Variants in STK39 observed in about 807,000 individuals in gnomAD.
The protein encoded by STK39 is serine/threonine kinase 39, also known as STE20/SPS1-related proline-alanine-rich protein kinase.
A neutral mutation model predicts 77.8 loss-of-function variants in STK39; 20 were observed. The ratio of observed to expected loss-of-function variants is 0.26; its 90% CI spans 0.18 to 0.37. STK39 has a LOEUF of 0.37. Ranked by LOEUF, STK39 falls within the 10% of genes least tolerant of loss-of-function variation. The probability of loss-of-function intolerance (pLI) is 1.00; values close to 1 mark genes in which losing one functional copy is unlikely to be tolerated. For synonymous variants in STK39, 246 were observed against 234.1 expected, an observed-to-expected ratio of 1.05 and a Z score of -0.47; for missense variants, 479 against 656.5, an observed-to-expected ratio of 0.73 and a Z score of 2.95.
At chr2:168,109,984 G>A (rs1371916012) in intron 10 of STK39, among the ~76,000 whole-genome samples, 1 of 152,094 alleles carries the variant, frequency 6.6e-6, no homozygotes, top group Admixed American at 6.5e-5. Flanking sequence ...CCAGTTTGAG[G>A]TTTGTCTTTC....
chr2:167,957,864 G>A (rs759016578), intron 17 of STK39, among the ~76,000 whole-genome samples: 16 of 152,296 alleles, frequency 1.1e-4, no homozygotes, highest in African/African-American at 2.4e-4. Flanking sequence ...CAGTGGTTAC[G>A]GTGAGAACAT....
intron 16 of STK39, among the ~76,000 whole-genome samples, chr2:167,993,899 G>A (rs1683765968): frequency 6.6e-6 from 1 of 152,138 alleles, no homozygotes; most frequent in Non-Finnish European, 1.5e-5. Flanking sequence ...ATAAAATACT[G>A]TCACATACTA....
chr2:168,181,299 G>A (rs576821457), intron 2 of STK39, among the ~76,000 whole-genome samples: 7 of 152,194 alleles, frequency 4.6e-5, no homozygotes, highest in South Asian at 2.1e-4. Flanking sequence ...ACAGTTTGCC[G>A]GGCAACTAAT....
At chr2:168,111,232 T>C (rs2105470183) in intron 10 of STK39, among the ~76,000 whole-genome samples, 1 of 152,328 alleles carries the variant, frequency 6.6e-6, no homozygotes, top group South Asian at 2.1e-4. Flanking sequence ...ATTTCACTAA[T>C]TTTTGTTATT....
intron 14 of STK39, among the ~76,000 whole-genome samples, chr2:168,051,801 T>C (rs541736219): frequency 2.0e-5 from 3 of 152,232 alleles, no homozygotes; most frequent in Non-Finnish European, 4.4e-5. Flanking sequence ...CTCCTGGGGC[T>C]GACACTGACT....
chr2:168,183,416 T>C (rs1689133024), intron 1 of STK39, among the ~76,000 whole-genome samples: 1 of 152,124 alleles, frequency 6.6e-6, no homozygotes. Context: ...TCATTTTACA[T>C]GGGAGAAAAC....
intron 16 of STK39, among the ~76,000 whole-genome samples, chr2:167,994,828 T>C (rs1176804292): frequency 6.6e-6 from 1 of 152,092 alleles, no homozygotes; most frequent in East Asian, 1.9e-4. Context: ...GAGAGAAGTC[T>C]CCAGTACAGC....
At chr2:167,969,192 G>T (rs935201268) in intron 16 of STK39, among the ~76,000 whole-genome samples, 5 of 152,184 alleles carry the variant, frequency 3.3e-5, no homozygotes, top group African/African-American at 4.8e-5. Flanking sequence ...ATAGCAAGTG[G>T]TTAATAAATT....
rs527626293 is a variant in STK39, at chr2:168,023,818, T to G, written c.1377-6723A>C. Among the ~76,000 whole-genome samples the G allele has an allele frequency of 1.1e-4, 16 of 152,272 alleles. No individual in the cohort carries two copies. In the East Asian group the frequency reaches 3.1e-3, roughly 29 times the overall value. On this transcript the variant is annotated intron_variant, in intron 14 of 17. Transcript: ENST00000355999. The stretch of plus-strand genomic sequence containing the variant: ...GCAACTATTTCCCCGAGCTTTGAGG[T>G]TGGCAACACCACCAAGGGTCTCTGT...
intron 10 of STK39, among the ~76,000 whole-genome samples, chr2:168,083,937 C>G (rs1359986300): frequency 6.6e-6 from 1 of 152,046 alleles, no homozygotes; most frequent in Non-Finnish European, 1.5e-5. Flanking sequence ...AGGGAGACAG[C>G]CCCAGCATAG....
intron 14 of STK39, among the ~76,000 whole-genome samples, chr2:168,056,686 G>A (rs762037412): frequency 3.9e-5 from 6 of 152,196 alleles, no homozygotes; most frequent in Non-Finnish European, 7.3e-5. Flanking sequence ...ATATGCAGGC[G>A]TATATGTGTG....
chr2:168,235,644 C>T (rs535529945), intron 1 of STK39, among the ~76,000 whole-genome samples: 1 of 135,048 alleles, frequency 7.4e-6, no homozygotes, highest in African/African-American at 2.7e-5. Context: ...GTGATGTTCC[C>T]CTTCCTGTGT....
intron 16 of STK39, among the ~76,000 whole-genome samples, chr2:168,011,469 A>G (rs574229382): frequency 1.3e-5 from 2 of 152,318 alleles, no homozygotes; most frequent in South Asian, 4.1e-4. Context: ...AATTATGAAT[A>G]TGCTAACTAA....
intron 10 of STK39, among the ~76,000 whole-genome samples, chr2:168,111,236 T>G (rs1405114457): frequency 6.6e-6 from 1 of 152,200 alleles, no homozygotes; most frequent in East Asian, 1.9e-4. Flanking sequence ...CACTAATTTT[T>G]GTTATTCATA....
chr2:168,159,802 G>A (rs1441373517), intron 5 of STK39, among the ~76,000 whole-genome samples: 3 of 152,170 alleles, frequency 2.0e-5, no homozygotes. Flanking sequence ...AGTCCCGGAT[G>A]GCTGGAACAC....
intron 10 of STK39, among the ~76,000 whole-genome samples, chr2:168,125,347 A>G (rs1687513457): frequency 6.6e-6 from 1 of 152,200 alleles, no homozygotes; most frequent in Admixed American, 6.5e-5. Context: ...TTAAGCTTTC[A>G]AACCCCAAGA....
At chr2:168,096,954 TA>T (rs1320478783) in intron 10 of STK39, among the ~76,000 whole-genome samples, 2 of 152,070 alleles carry the variant, frequency 1.3e-5, no homozygotes, top group Admixed American at 6.5e-5. Flanking sequence ...CAAAATACTA[TA>T]GGGGAGAGAA....
intron 10 of STK39, among the ~76,000 whole-genome samples, chr2:168,105,423 A>G (rs1244595067): frequency 1.3e-5 from 2 of 152,242 alleles, no homozygotes; most frequent in Admixed American, 6.5e-5. Context: ...AAGTCTGTAG[A>G]TCAGACACAA....
At chr2:168,213,055 C>T (rs1689932042) in intron 1 of STK39, among the ~76,000 whole-genome samples, 1 of 152,218 alleles carries the variant, frequency 6.6e-6, no homozygotes, top group African/African-American at 2.4e-5. Context: ...ACTCGACCCA[C>T]AGATCCATGA....
Sources: gnomAD v4.1 joint callset for allele counts (sites outside exome capture counted in the v4.1 genomes callset) on GRCh38, gnomAD v4.1.1 for gene constraint, MANE v1.5 for transcripts, NCBI Gene and HGNC (gene_info 2026-07-23, HGNC 2026-07-21) for gene names.